Variants in CDH18 observed in about 807,000 individuals in gnomAD.
CDH18 encodes cadherin 18, also known as cadherin-18.
CDH18 carries 31 observed loss-of-function variants against 67.9 expected under a neutral mutation model. The ratio of observed to expected loss-of-function variants is 0.46; its 90% CI spans 0.34 to 0.62. The LOEUF is 0.62. CDH18 is among the 20% of genes least tolerant of loss of function. The probability of loss-of-function intolerance (pLI) is 0.01; values close to 1 mark genes in which losing one functional copy is unlikely to be tolerated. For missense variants in CDH18, 890 were observed against 975.5 expected (o/e 0.91, Z 1.17); for synonymous variants, 362 against 347.2 (o/e 1.04, Z -0.48).
At chr5:19,878,776 A>C (rs1561494442) in intron 2 of CDH18, among the ~76,000 whole-genome samples, 1 of 152,092 alleles carries the variant, frequency 6.6e-6, no homozygotes, top group Non-Finnish European at 1.5e-5. Flanking sequence ...ACATTACATG[A>C]GTCTATGATA....
At chr5:19,943,618 A>G (rs948674671) in intron 2 of CDH18, among the ~76,000 whole-genome samples, 20 of 152,128 alleles carry the variant, frequency 1.3e-4, no homozygotes, top group Admixed American at 1.2e-3. Context: ...TCATACCAAC[A>G]TGTAAAAACT....
At chr5:20,519,963 T>A (rs1026642690) in intron 1 of CDH18, among the ~76,000 whole-genome samples, 6 of 107,398 alleles carry the variant, frequency 5.6e-5, no homozygotes, top group East Asian at 4.9e-4. Context: ...TTTTTTTTTT[T>A]TTTTTTTTTT....
Position 20,415,242 on chromosome 5 carries a change from C to A in CDH18, c.-579-159737G>T, listed in dbSNP as rs566719175. ...CTCTACTAAAATACAAAAAAATTAG[C>A]CATGCATGGTGGTGTGTGCCTGGAA... On this transcript the variant is annotated intron_variant, in intron 1 of 14. Coordinates refer to the CDH18 transcript ENST00000507958. Among the ~76,000 whole-genome samples, 350 of 152,000 alleles carry A rather than the reference C, an allele frequency of 2.3e-3. 1 individual carries two copies. The highest frequency in any genetic ancestry group is 8.2e-3 in the African/African-American group (338 of 41,464).
At chr5:19,640,799 C>T (rs78534879) in intron 5 of CDH18, among the ~76,000 whole-genome samples, 2,739 of 151,478 alleles carry the variant, frequency 0.018, 85 homozygotes, top group African/African-American at 0.062. Flanking sequence ...GAGAGTAAAA[C>T]GAAACCAACT....
At chr5:19,904,719 T>C (rs1393398088) in intron 2 of CDH18, among the ~76,000 whole-genome samples, 1 of 152,224 alleles carries the variant, frequency 6.6e-6, no homozygotes, top group African/African-American at 2.4e-5. Flanking sequence ...TTGAAGTACC[T>C]TGTTGTATTC....
intron 2 of CDH18, among the ~76,000 whole-genome samples, chr5:20,216,532 C>A (rs185957387): frequency 6.9e-4 from 105 of 152,064 alleles, no homozygotes; most frequent in Non-Finnish European, 5.9e-4. Flanking sequence ...CAAATTACTT[C>A]TTCTTCATTA....
chr5:19,508,348 T>C (rs2126806931), intron 10 of CDH18, among the ~76,000 whole-genome samples: 1 of 152,248 alleles, frequency 6.6e-6, no homozygotes, highest in East Asian at 1.9e-4. Flanking sequence ...TTTGTCAGAA[T>C]TCTGATTTAT....
chr5:20,209,056 C>T (rs557017627), intron 2 of CDH18, among the ~76,000 whole-genome samples: 10 of 151,958 alleles, frequency 6.6e-5, no homozygotes, highest in Non-Finnish European at 8.8e-5. Flanking sequence ...AGATATTATC[C>T]CATTTCAGTT....
At chr5:19,703,736 C>A (rs868704183) in intron 5 of CDH18, among the ~76,000 whole-genome samples, 3 of 151,320 alleles carry the variant, frequency 2.0e-5, no homozygotes, top group South Asian at 2.1e-4. Context: ...CCCTGCCCCC[C>A]GCCGATCAAC....
At chr5:19,674,123 A>T (rs532049939) in intron 5 of CDH18, among the ~76,000 whole-genome samples, 1 of 152,184 alleles carries the variant, frequency 6.6e-6, no homozygotes, top group East Asian at 1.9e-4. Context: ...TCCTACATTT[A>T]TGTGTTAGTG....
intron 2 of CDH18, among the ~76,000 whole-genome samples, chr5:19,871,563 T>C (rs1324208784): frequency 6.6e-6 from 1 of 152,206 alleles, no homozygotes. Flanking sequence ...TATGTGCATG[T>C]TTTCTAACCT....
At chr5:20,304,820 C>T (rs1736278746) in intron 1 of CDH18, 1 of 1,611,364 alleles carries the variant, frequency 6.2e-7, no homozygotes, top group Non-Finnish European at 8.5e-7. Flanking sequence ...TTGTTAGATT[C>T]ACTTTCAGAA....
At chr5:20,293,164 A>C (rs1747231785) in intron 1 of CDH18, among the ~76,000 whole-genome samples, 1 of 152,122 alleles carries the variant, frequency 6.6e-6, no homozygotes, top group African/African-American at 2.4e-5. Flanking sequence ...TAAAAATACA[A>C]AAATTATCCG....
At chr5:19,757,192 A>G (rs535351700) in intron 3 of CDH18, among the ~76,000 whole-genome samples, 2 of 152,218 alleles carry the variant, frequency 1.3e-5, no homozygotes, top group African/African-American at 4.8e-5. Context: ...GCATTCCATG[A>G]GTCCATGGAT....
intron 3 of CDH18, among the ~76,000 whole-genome samples, chr5:19,816,753 C>A (rs1245682376): frequency 1.3e-5 from 2 of 151,614 alleles, no homozygotes; most frequent in African/African-American, 4.8e-5. Flanking sequence ...AGGTGTTAAA[C>A]CGAAGATAAA....
chr5:19,923,931 C>T (rs76672819), intron 2 of CDH18, among the ~76,000 whole-genome samples: 4,147 of 152,232 alleles, frequency 0.027, 199 homozygotes, highest in African/African-American at 0.092. Flanking sequence ...GCCACCCCAT[C>T]CCCCGGTGAG....
intron 11 of CDH18, among the ~76,000 whole-genome samples, chr5:19,492,074 A>C (rs563377442): frequency 2.3e-4 from 35 of 152,274 alleles, no homozygotes; most frequent in Non-Finnish European, 2.8e-4. Flanking sequence ...TCATCAAAAA[A>C]AAATAAGCAT....
chr5:20,219,644 GA>G (rs1741066905), intron 2 of CDH18, among the ~76,000 whole-genome samples: 2 of 151,782 alleles, frequency 1.3e-5, no homozygotes, highest in African/African-American at 4.8e-5. Context: ...TGAGCAAGTG[GA>G]ATTTATCCAA....
chr5:20,166,195 C>T (rs1481818124), intron 2 of CDH18, among the ~76,000 whole-genome samples: 1 of 151,974 alleles, frequency 6.6e-6, no homozygotes, highest in Middle Eastern at 3.2e-3. Context: ...AATCCCAGCA[C>T]TTTGTGAGGC....
Sources: gnomAD v4.1 joint callset for allele counts (sites outside exome capture counted in the v4.1 genomes callset) on GRCh38, gnomAD v4.1.1 for gene constraint, MANE v1.5 for transcripts, NCBI Gene and HGNC (gene_info 2026-07-23, HGNC 2026-07-21) for gene names.